Variants in CDC42BPA observed in about 807,000 individuals in gnomAD.
The protein encoded by CDC42BPA is serine/threonine-protein kinase MRCK alpha.
A neutral mutation model predicts 223.5 loss-of-function variants in CDC42BPA; 80 were observed. The ratio of observed to expected loss-of-function variants is 0.36; its 90% CI spans 0.30 to 0.43. The LOEUF (loss-of-function observed/expected upper bound fraction) is 0.43, where lower values mean the gene tolerates loss of function less well. CDC42BPA is among the 20% of genes least tolerant of loss of function. The pLI is 1.00. For synonymous variants in CDC42BPA, 694 were observed against 718.6 expected (o/e 0.97, Z 0.55); for missense variants, 1,743 against 2,099.9 (o/e 0.83, Z 3.32).
chr1:227,245,627 A>G (rs1264051880), intron 2 of CDC42BPA, among the ~76,000 whole-genome samples: 2 of 152,166 alleles, frequency 1.3e-5, no homozygotes, highest in East Asian at 3.9e-4. Flanking sequence ...TAGCTCAGCC[A>G]CACTAGAACA....
At chr1:227,300,055 G>A (rs1691347404) in intron 1 of CDC42BPA, among the ~76,000 whole-genome samples, 1 of 151,264 alleles carries the variant, frequency 6.6e-6, no homozygotes. Context: ...GGGAAGAGCT[G>A]GTCAGTTCTT....
intron 23 of CDC42BPA, among the ~76,000 whole-genome samples, chr1:227,047,468 T>C (rs1672679035): frequency 6.6e-6 from 1 of 152,192 alleles, no homozygotes; most frequent in Non-Finnish European, 1.5e-5. Context: ...TTCCAATTTC[T>C]GGAATTTCTT....
intron 6 of CDC42BPA, among the ~76,000 whole-genome samples, chr1:227,154,299 T>A (rs1193271752): frequency 6.6e-6 from 1 of 151,928 alleles, no homozygotes; most frequent in East Asian, 1.9e-4. Context: ...AAAAGCTAAC[T>A]GCAAACATTA....
intron 2 of CDC42BPA, among the ~76,000 whole-genome samples, chr1:227,220,411 T>C (rs983002707): frequency 1.3e-5 from 2 of 149,636 alleles, no homozygotes; most frequent in African/African-American, 4.9e-5. Context: ...AGAATATATA[T>C]ATACTTTGTC....
chr1:227,139,911 A>G (rs1659378029), intron 9 of CDC42BPA, among the ~76,000 whole-genome samples, 169 bp from the exon 10 acceptor site: 1 of 152,202 alleles, frequency 6.6e-6, no homozygotes, highest in Admixed American at 6.5e-5. Context: ...AGCCAGCTGG[A>G]ATAATTATAA....
intron 11 of CDC42BPA, among the ~76,000 whole-genome samples, chr1:227,126,771 G>C (rs964111513): frequency 3.9e-5 from 6 of 152,076 alleles, no homozygotes; most frequent in Non-Finnish European, 8.8e-5. Flanking sequence ...TACAGAAAAA[G>C]AATCTGACAA....
chr1:227,058,431 G>A (rs886887541), intron 21 of CDC42BPA, among the ~76,000 whole-genome samples: 1 of 152,164 alleles, frequency 6.6e-6, no homozygotes, highest in African/African-American at 2.4e-5. Context: ...TAAGAATTCG[G>A]AATGTAAAGT....
intron 1 of CDC42BPA, among the ~76,000 whole-genome samples, chr1:227,289,787 T>C (rs1689392222): frequency 6.6e-6 from 1 of 151,986 alleles, no homozygotes; most frequent in Non-Finnish European, 1.5e-5. Context: ...TTTCCAAGTC[T>C]TCTTGCTTTA....
intron 2 of CDC42BPA, among the ~76,000 whole-genome samples, chr1:227,222,896 G>A (rs1676188099): frequency 6.6e-6 from 1 of 152,130 alleles, no homozygotes; most frequent in East Asian, 1.9e-4. Context: ...CCAAAGGTTG[G>A]ACCAATAACA....
At chr1:227,186,228 A>G (rs1448789581) in intron 5 of CDC42BPA, among the ~76,000 whole-genome samples, 1 of 152,182 alleles carries the variant, frequency 6.6e-6, no homozygotes, top group Non-Finnish European at 1.5e-5. Context: ...TACCACTAAG[A>G]GCTCAACCAG....
intron 5 of CDC42BPA, among the ~76,000 whole-genome samples, chr1:227,192,965 C>A (rs187397006): frequency 7.6e-4 from 116 of 151,894 alleles, no homozygotes; most frequent in South Asian, 1.2e-3. Context: ...AGGAAACTGA[C>A]CAATGCATAC....
At chr1:227,105,838 C>G (rs1048464865) in intron 14 of CDC42BPA, among the ~76,000 whole-genome samples, 2 of 152,064 alleles carry the variant, frequency 1.3e-5, no homozygotes, top group Non-Finnish European at 2.9e-5. Context: ...TTTCTTTATC[C>G]ATCTGTTGAT....
chr1:227,054,244 T>C (rs1674117727), intron 21 of CDC42BPA, among the ~76,000 whole-genome samples: 1 of 152,196 alleles, frequency 6.6e-6, no homozygotes. Flanking sequence ...CTTTGTATTA[T>C]CTGGGTTTGA....
At chr1:227,169,784 T>C (rs1194889970) in intron 5 of CDC42BPA, among the ~76,000 whole-genome samples, 2 of 152,212 alleles carry the variant, frequency 1.3e-5, no homozygotes, top group African/African-American at 4.8e-5. Context: ...GTTCACTCTT[T>C]AGTGCCTTTA....
At chr1:227,194,325 G>C (rs973918743) in intron 4 of CDC42BPA, among the ~76,000 whole-genome samples, 2 of 152,072 alleles carry the variant, frequency 1.3e-5, no homozygotes, top group Admixed American at 1.3e-4. Flanking sequence ...ATACAGGATA[G>C]TCCCTACATT....
intron 5 of CDC42BPA, among the ~76,000 whole-genome samples, chr1:227,186,592 A>G (rs947291369): frequency 1.3e-5 from 2 of 152,134 alleles, no homozygotes; most frequent in African/African-American, 2.4e-5. Flanking sequence ...AAGCCTCACT[A>G]AAGATTGGGA....
At chr1:227,301,483 C>G (rs1399219454) in intron 1 of CDC42BPA, among the ~76,000 whole-genome samples, 1 of 152,070 alleles carries the variant, frequency 6.6e-6, no homozygotes, top group African/African-American at 2.4e-5. Context: ...CCTCAGCCTC[C>G]AGGGTAGCTG....
chr1:227,213,106 T>C (rs1243543308), intron 3 of CDC42BPA, 30 bp downstream of exon 3: 2 of 1,025,252 alleles, frequency 2.0e-6, no homozygotes, highest in African/African-American at 1.6e-5. Flanking sequence ...TTCTAAAATA[T>C]TTATATATTC....
At chr1:227,129,407 A>G (rs961358449) in intron 10 of CDC42BPA, among the ~76,000 whole-genome samples, 176 bp from the exon 11 acceptor site, 7 of 152,036 alleles carry the variant, frequency 4.6e-5, no homozygotes, top group Non-Finnish European at 8.8e-5. Flanking sequence ...CAGACCAGGC[A>G]TGGTAATCCC....
Sources: allele counts gnomAD v4.1 joint callset (sites outside exome capture counted in the v4.1 genomes callset), GRCh38; gene constraint gnomAD v4.1.1; transcripts MANE v1.5; gene names NCBI Gene and HGNC (gene_info 2026-07-23, HGNC 2026-07-21).